ADD3: variants seen among roughly 807,000 people sequenced by gnomAD.
The protein encoded by ADD3 is gamma-adducin.
ADD3 carries 25 observed loss-of-function variants against 80.2 expected under a neutral mutation model. That is an observed-to-expected ratio of 0.31 (90% CI 0.23 to 0.44). The LOEUF is 0.44. Ranked by LOEUF, ADD3 falls within the 20% of genes least tolerant of loss-of-function variation. The probability of loss-of-function intolerance (pLI) is 1.00; values close to 1 mark genes in which losing one functional copy is unlikely to be tolerated. For missense variants in ADD3, 829 were observed against 847.5 expected, an observed-to-expected ratio of 0.98 and a Z score of 0.27; for synonymous variants, 284 against 289.6, an observed-to-expected ratio of 0.98 and a Z score of 0.20.
At chr10:110,071,681 G>T (rs1390292188) in intron 1 of ADD3, among the ~76,000 whole-genome samples, 1 of 151,966 alleles carries the variant, frequency 6.6e-6, no homozygotes, top group African/African-American at 2.4e-5. Context: ...GTTTTCAGAA[G>T]TACTATGCCA....
At chr10:110,053,662 ACT>A (rs1435656204) in intron 1 of ADD3, among the ~76,000 whole-genome samples, 4 of 152,080 alleles carry the variant, frequency 2.6e-5, no homozygotes, top group Non-Finnish European at 5.9e-5. Flanking sequence ...CTTAATTTTC[ACT>A]GTGAAGTTAA....
intron 1 of ADD3, among the ~76,000 whole-genome samples, chr10:110,021,093 G>A (rs887206901): frequency 2.0e-5 from 3 of 152,090 alleles, no homozygotes; most frequent in African/African-American, 7.2e-5. Context: ...AATAAGCTTT[G>A]CTCTAATATG....
At chr10:110,006,937 C>G (rs903769077), upstream of ADD3, among the ~76,000 whole-genome samples, 4 of 151,892 alleles carry the variant, frequency 2.6e-5, no homozygotes, top group African/African-American at 7.3e-5. Context: ...ATTAGAATGG[C>G]GCTCGGAGGG....
Position 110,112,794 on chromosome 10 carries a change from G to C in ADD3, c.213G>C (p.Leu71Phe), listed in dbSNP as rs780693571. 14 of 1,613,668 alleles carry C rather than the reference G, an allele frequency of 8.7e-6. No individual in the cohort carries two copies. Among genetic ancestry groups the C allele is most frequent in the South Asian group, 7.7e-5 (7 of 90,982 alleles). ...ILQSPAFREDLECLIQEQMKK... is the reference protein window; with the variant it reads ...ILQSPAFREDFECLIQEQMKK... ...TATTACAGGCCTTTCGGGAAGACTT[G>C]GAATGCCTTATTCAAGAACAGATGA... The change falls in exon 3 of 15, where the codon TTG becomes TTC. Residue 71 changes from leucine (L) to phenylalanine (F), a missense_variant. Physicochemically the swap from Leu to Phe is conservative, Grantham distance 22. Transcript: ENST00000356080.
At chr10:110,078,914 A>T (rs1182390141) in intron 1 of ADD3, among the ~76,000 whole-genome samples, 1 of 152,194 alleles carries the variant, frequency 6.6e-6, no homozygotes, top group African/African-American at 2.4e-5. Context: ...TTTTAAATAG[A>T]TTTTTATTTG....
At chr10:110,082,341 G>A (rs1317287264) in intron 1 of ADD3, among the ~76,000 whole-genome samples, 1 of 152,114 alleles carries the variant, frequency 6.6e-6, no homozygotes, top group Admixed American at 6.5e-5. Context: ...TGCTTTAATA[G>A]TGGTTATGAC....
intron 1 of ADD3, among the ~76,000 whole-genome samples, chr10:110,084,891 A>G (rs780617723): frequency 3.0e-4 from 45 of 152,204 alleles, no homozygotes; most frequent in Non-Finnish European, 4.7e-4. Flanking sequence ...TAAATTAAAT[A>G]GTTAATTAGT....
Position 110,112,854 on chromosome 10 carries a change from A to G in ADD3, c.273A>G (p.Leu91=), listed in dbSNP as rs772374757. 1.2e-6 allele frequency: 2 copies of G among 1,614,172 alleles called. No homozygotes were observed. The highest frequency in any genetic ancestry group is 8.5e-7 in the Non-Finnish European group (1 of 1,180,014). The change falls in exon 3 of 15, where the codon TTA becomes TTG. Residue 91 remains leucine, a synonymous_variant. Transcript: ENST00000356080. ...ACAACCCAACTGGATTACTAGCATT[A>G]CAGCAGATTGCAGATTACATCATGG... is the stretch of plus-strand genomic sequence containing the variant. The part of the protein sequence containing the change: ...KGHNPTGLLA[L]QQIADYIMAN...
At chr10:110,084,330 C>A (rs2133803774) in intron 1 of ADD3, among the ~76,000 whole-genome samples, 1 of 152,264 alleles carries the variant, frequency 6.6e-6, no homozygotes, top group South Asian at 2.1e-4. Context: ...CCTTTAAAAT[C>A]AAGAAATTGT....
intron 12 of ADD3, among the ~76,000 whole-genome samples, chr10:110,129,502 T>C (rs1852662729): frequency 1.3e-5 from 2 of 152,192 alleles, no homozygotes; most frequent in African/African-American, 4.8e-5. Context: ...GAGAGGGAAA[T>C]GCTTGGCTCT....
At chr10:110,000,417 G>A (rs991184169) in intron 1 of ADD3, among the ~76,000 whole-genome samples, 13 of 152,206 alleles carry the variant, frequency 8.5e-5, no homozygotes, top group East Asian at 1.9e-4. Flanking sequence ...ACTTGGGTTT[G>A]GATCTGTCAG....
chr10:110,008,535 G>A (rs1312041535), intron 1 of ADD3, among the ~76,000 whole-genome samples: 3 of 152,160 alleles, frequency 2.0e-5, no homozygotes, highest in South Asian at 2.1e-4. Context: ...ACCTGCGGGG[G>A]AGGGTCCGGG....
intron 1 of ADD3, among the ~76,000 whole-genome samples, chr10:110,086,756 T>C (rs1032074679): frequency 1.3e-5 from 2 of 152,200 alleles, no homozygotes; most frequent in African/African-American, 4.8e-5. Flanking sequence ...TGTGGAACTG[T>C]GGTAAATTAA....
At chr10:110,005,168 T>C (rs1163274371), upstream of ADD3, among the ~76,000 whole-genome samples, 1 of 152,122 alleles carries the variant, frequency 6.6e-6, no homozygotes, top group Non-Finnish European at 1.5e-5. Context: ...GTTCAAGCAA[T>C]TCTCTGCCTC....
intron 1 of ADD3, among the ~76,000 whole-genome samples, chr10:110,085,844 G>A (rs113345354): frequency 0.08 from 12,193 of 152,180 alleles, 1,580 homozygotes; most frequent in African/African-American, 0.28. Flanking sequence ...GGTGGCTCAC[G>A]CCTGTAATCC....
At chr10:110,121,367 C>T (rs1256084678) in intron 8 of ADD3, among the ~76,000 whole-genome samples, 2 of 152,144 alleles carry the variant, frequency 1.3e-5, no homozygotes, top group African/African-American at 4.8e-5. Context: ...CCTGTAATCC[C>T]AGCTACTTGG....
intron 2 of ADD3, among the ~76,000 whole-genome samples, chr10:110,101,261 GA>G (rs1354034973): frequency 6.6e-6 from 1 of 152,136 alleles, no homozygotes; most frequent in Non-Finnish European, 1.5e-5. Flanking sequence ...GGTTTTTGAG[GA>G]AGTCTGTGAT....
intron 1 of ADD3, among the ~76,000 whole-genome samples, chr10:109,999,711 A>G (rs1328722086): frequency 6.6e-6 from 1 of 152,136 alleles, no homozygotes; most frequent in Non-Finnish European, 1.5e-5. Context: ...AACAAATATT[A>G]TTTTCCTCAT....
intron 1 of ADD3, among the ~76,000 whole-genome samples, chr10:110,019,746 A>G (rs1156694420): frequency 1.3e-5 from 2 of 152,226 alleles, no homozygotes; most frequent in Non-Finnish European, 2.9e-5. Flanking sequence ...ATGCTTCTGA[A>G]GAAGCTGAAT....
Sources: gnomAD v4.1 joint callset for allele counts (sites outside exome capture counted in the v4.1 genomes callset) on GRCh38, gnomAD v4.1.1 for gene constraint, MANE v1.5 for transcripts, NCBI Gene and HGNC (gene_info 2026-07-23, HGNC 2026-07-21) for gene names.